EOGT: variants seen among roughly 807,000 people sequenced by gnomAD.
EOGT encodes EGF domain-specific O-linked N-acetylglucosamine transferase.
A neutral mutation model predicts 70.5 loss-of-function variants in EOGT; 55 were observed. The observed-to-expected ratio is 0.78, with a 90% confidence interval of 0.63 to 0.98. The LOEUF is 0.98. Among genes scored for constraint, EOGT ranks in the 50% least tolerant of loss-of-function variants. The pLI is 0.00. For synonymous variants in EOGT, 246 were observed against 217.1 expected (o/e 1.13, Z -1.17); for missense variants, 703 against 641.9 (o/e 1.10, Z -1.03).
chr3:69,009,167 C>A (rs553231949), intron 4 of EOGT, among the ~76,000 whole-genome samples: 1 of 152,164 alleles, frequency 6.6e-6, no homozygotes, highest in East Asian at 1.9e-4. Flanking sequence ...TGTGAGATGT[C>A]TTAATGGGCT....
intron 15 of EOGT, among the ~76,000 whole-genome samples, chr3:68,980,792 T>C (rs1405831545): frequency 6.6e-6 from 1 of 152,232 alleles, no homozygotes; most frequent in Non-Finnish European, 1.5e-5. Flanking sequence ...AACATACCCC[T>C]GCACTGCCAG....
intron 7 of EOGT, 92 bp downstream of exon 7, chr3:69,005,048 C>G (rs2091402876): frequency 4.2e-6 from 3 of 716,816 alleles, no homozygotes; most frequent in Non-Finnish European, 6.8e-6. Context: ...GGCAACAGAG[C>G]AAGACCCTGT....
intron 2 of EOGT, among the ~76,000 whole-genome samples, 192 bp from the exon 3 acceptor site, chr3:69,012,183 C>A (rs1257725940): frequency 6.6e-6 from 1 of 152,182 alleles, no homozygotes; most frequent in Non-Finnish European, 1.5e-5. Flanking sequence ...AGTTCACAGG[C>A]ACCACCCCCA....
intron 14 of EOGT, among the ~76,000 whole-genome samples, chr3:68,987,077 T>A (rs1226996698): frequency 3.9e-5 from 6 of 152,228 alleles, no homozygotes; most frequent in African/African-American, 1.4e-4. Flanking sequence ...CTAAATCTGC[T>A]GCTGATACCA....
At chr3:69,011,193 C>CTT (rs57904466) in intron 3 of EOGT, among the ~76,000 whole-genome samples, 1 of 113,300 alleles carries the variant, frequency 8.8e-6, no homozygotes, top group Non-Finnish European at 1.7e-5. Context: ...GATCTTTGTT[C>CTT]TTTTTTTTTT....
At chr3:68,986,044 C>T (rs1253917789) in intron 14 of EOGT, among the ~76,000 whole-genome samples, 2 of 152,206 alleles carry the variant, frequency 1.3e-5, no homozygotes, top group Non-Finnish European at 2.9e-5. Context: ...TCTGGCCCCA[C>T]TTCCCTTATA....
intron 10 of EOGT, among the ~76,000 whole-genome samples, chr3:68,995,383 G>T (rs149336124): frequency 6.6e-6 from 1 of 152,118 alleles, no homozygotes; most frequent in Non-Finnish European, 1.5e-5. Flanking sequence ...CCAAGCGTCC[G>T]GGTTTAAAAT....
chr3:68,981,827 A>G (rs942629942), intron 15 of EOGT, among the ~76,000 whole-genome samples: 19 of 145,452 alleles, frequency 1.3e-4, no homozygotes, highest in African/African-American at 5.0e-4. Flanking sequence ...CTAAATTTTG[A>G]TAACTTTTTT....
At chr3:68,984,439 A>C (rs944573670) in intron 14 of EOGT, among the ~76,000 whole-genome samples, 1 of 152,142 alleles carries the variant, frequency 6.6e-6, no homozygotes, top group Non-Finnish European at 1.5e-5. Flanking sequence ...GCCCTTTTTC[A>C]TGACTTCTAG....
intron 14 of EOGT, 151 bp from the exon 15 acceptor site, chr3:68,983,023 T>G: frequency 1.8e-6 from 1 of 570,138 alleles, no homozygotes; most frequent in Non-Finnish European, 3.0e-6. Context: ...AGAAAATAAA[T>G]AAATATCATT....
intron 10 of EOGT, among the ~76,000 whole-genome samples, chr3:68,996,537 T>A (rs1410245888): frequency 6.6e-6 from 1 of 152,202 alleles, no homozygotes; most frequent in Non-Finnish European, 1.5e-5. Context: ...ACCAGGCATG[T>A]CTCTTTCAGG....
At chr3:69,003,610 A>G (rs560827028) in intron 8 of EOGT, among the ~76,000 whole-genome samples, 1 of 152,322 alleles carries the variant, frequency 6.6e-6, no homozygotes, top group South Asian at 2.1e-4. Flanking sequence ...AGTCTTGGGT[A>G]TAATACATAC....
Position 68,988,302 on chromosome 3 carries a change from C to A in EOGT, c.1076G>T (p.Gly359Val), listed in dbSNP as rs1170683716. 1 of 1,535,256 alleles carries A rather than the reference C, an allele frequency of 6.5e-7. No homozygotes were observed. The highest frequency in any genetic ancestry group is 2.4e-5 in the East Asian group (1 of 40,914). The change falls in exon 13 of 18, where the codon GGA becomes GTA. Residue 359 changes from glycine (G) to valine (V), a missense_variant. Transcript: ENST00000383701. ...VLHRLNITQE[G>V]PKDGKIRVTI... is the part of the protein sequence containing the mutation. The stretch of plus-strand genomic sequence containing the variant: ...CCGCAGTGTATCCATTACCTTAGGT[C>A]CTTCTTGTGTGATGTTTAGTCTGTG...
Position 68,988,528 on chromosome 3 carries a change from C to T in EOGT, c.974G>A (p.Gly325Glu), listed in dbSNP as rs982650004. ...VFSLLPRMRY[G>E]LFYNTPLISG... ...TACCAGAGGAGTATTATAGAACAGC[C>T]CATACCTCATGCGGGGGAGTAATGA... is the stretch of plus-strand genomic sequence containing the variant. The change falls in exon 12 of 18, where the codon GGG (glycine) becomes GAG (glutamate). Residue 325 changes from glycine to glutamate, a missense_variant. By Grantham distance (98) the Gly-to-Glu change is moderately conservative. Transcript: ENST00000383701. 4.6e-6 allele frequency: 7 copies of T among 1,533,406 alleles called. No individual in the cohort carries two copies. In the African/African-American group the frequency reaches 8.2e-5, roughly 18 times the overall value. The allele number at this position is 1,533,406 out of a possible 1,614,324, so 95.0% of individuals were successfully genotyped here.
chr3:68,999,584 T>G (rs967187570), intron 9 of EOGT, among the ~76,000 whole-genome samples: 116 of 152,280 alleles, frequency 7.6e-4, no homozygotes, highest in African/African-American at 2.8e-3. Context: ...AAATACTCTG[T>G]TTTTTTCAGC....
At position 68,998,124 on chromosome 3, in the gene EOGT, G is replaced by A; in HGVS notation, c.728-10C>T. ...TGATACATGTTAACACCTAGTGTTG[G>A]AAAATGAAACTACATTAATTAACAC... On this transcript the variant is annotated splice_polypyrimidine_tract_variant and intron_variant, in intron 9 of 17. Transcript: ENST00000383701. 2 of 1,449,746 alleles carry A rather than the reference G, an allele frequency of 1.4e-6. No homozygotes were observed. The highest frequency in any genetic ancestry group is 1.2e-5 in the South Asian group (1 of 83,536). 89.8% of individuals were successfully genotyped at this position (1,449,746 alleles called of 1,614,324 possible). A position where few individuals can be genotyped will look rare whatever the true frequency, so the allele number is the denominator to read the frequency against.
In EOGT at chr3:68,975,991, C is replaced by G. The variant is rs1286563738; in HGVS notation, c.*1627G>C. The stretch of plus-strand genomic sequence containing the variant: ...AGAAGTAACTAGTCTCTAAATCAGA[C>G]TACTCAAGTGTTAATAAAATGTAAA... On this transcript the variant is annotated 3_prime_UTR_variant, in exon 18 of 18. Coordinates refer to ENST00000383701, the MANE Select transcript of EOGT (RefSeq NM_001278689.2). 1 of 152,168 alleles carries G rather than the reference C, an allele frequency of 6.6e-6. No individual in the cohort carries two copies. The highest frequency in any genetic ancestry group is 1.5e-5 in the Non-Finnish European group (1 of 68,028). 9.4% of individuals were successfully genotyped at this position (152,168 alleles called of 1,614,324 possible). A position where few individuals can be genotyped will look rare whatever the true frequency, so the allele number is the denominator to read the frequency against.
chr3:68,984,793 AC>A (rs1397570530), intron 14 of EOGT, among the ~76,000 whole-genome samples: 24 of 152,042 alleles, frequency 1.6e-4, no homozygotes, highest in African/African-American at 5.6e-4. Context: ...ATACCTTTCT[AC>A]TGGACTTCTC....
At position 68,991,857 on chromosome 3, in the gene EOGT, C is replaced by T. The variant is rs184490686; in HGVS notation, c.832-2840G>A. On this transcript the variant is annotated intron_variant, in intron 10 of 17. Coordinates refer to ENST00000383701, the MANE Select transcript of EOGT (RefSeq NM_001278689.2). Reference sequence around the variant, plus strand: ...GGCTGGGGAGGCCTCAGAACCATGGCGGGAGGTGAAAGACACTTCTTACAT... The same window carrying T: ...GGCTGGGGAGGCCTCAGAACCATGGTGGGAGGTGAAAGACACTTCTTACAT... 2.1e-3 allele frequency among the ~76,000 whole-genome samples: 322 copies of T among 152,186 alleles called. 1 individual carries two copies. The highest frequency in any genetic ancestry group is 7.3e-3 in the African/African-American group (302 of 41,512).
Sources: gnomAD v4.1 joint callset for allele counts (sites outside exome capture counted in the v4.1 genomes callset) on GRCh38, gnomAD v4.1.1 for gene constraint, MANE v1.5 for transcripts, NCBI Gene and HGNC (gene_info 2026-07-23, HGNC 2026-07-21) for gene names.